SCHIP1: variants seen among roughly 807,000 people sequenced by gnomAD.
SCHIP1 encodes schwannomin interacting protein 1.
SCHIP1 carries 8 observed loss-of-function variants against 29.7 expected under a neutral mutation model. The ratio of observed to expected loss-of-function variants is 0.27; its 90% CI spans 0.16 to 0.49. SCHIP1 has a LOEUF of 0.49. Ranked by LOEUF, SCHIP1 falls within the 20% of genes least tolerant of loss-of-function variation. The pLI is 0.99. For missense variants in SCHIP1, 193 were observed against 294.6 expected (o/e 0.66, Z 2.52); for synonymous variants, 76 against 94.9 (o/e 0.80, Z 1.16).
the SCHIP1 span, among the ~76,000 whole-genome samples, chr3:159,808,998 T>TC: frequency 6.6e-6 from 1 of 151,058 alleles, no homozygotes. Flanking sequence ...TTTTTTTTTT[T>TC]TATTATACTT....
the SCHIP1 span, among the ~76,000 whole-genome samples, chr3:159,792,157 T>G: frequency 6.6e-6 from 1 of 152,210 alleles, no homozygotes; most frequent in Non-Finnish European, 1.5e-5. Flanking sequence ...ATAATGGAGT[T>G]GGTACTGATA....
the SCHIP1 span, among the ~76,000 whole-genome samples, chr3:159,653,586 G>C: frequency 6.6e-6 from 1 of 151,388 alleles, no homozygotes; most frequent in Non-Finnish European, 1.5e-5. Context: ...GGGGCCTGTT[G>C]GGGGGTGGGG....
At chr3:159,332,463 G>T in the SCHIP1 span, among the ~76,000 whole-genome samples, 1 of 152,118 alleles carries the variant, frequency 6.6e-6, no homozygotes, top group Non-Finnish European at 1.5e-5. Flanking sequence ...TAATGCTCTA[G>T]ATACTTCTTC....
the SCHIP1 span, among the ~76,000 whole-genome samples, chr3:159,700,578 G>A: frequency 6.6e-6 from 1 of 152,160 alleles, no homozygotes; most frequent in Admixed American, 6.6e-5. Context: ...CCAGCACTTT[G>A]GGAGGCCGAG....
chr3:159,652,286 T>C, the SCHIP1 span, among the ~76,000 whole-genome samples: 12 of 152,224 alleles, frequency 7.9e-5, no homozygotes, highest in Admixed American at 7.2e-4. Flanking sequence ...AGGCATTTTT[T>C]GCTACACTTA....
chr3:159,696,559 A>G, the SCHIP1 span, among the ~76,000 whole-genome samples: 1 of 152,214 alleles, frequency 6.6e-6, no homozygotes. Flanking sequence ...AGTCAGTTTC[A>G]TTTATTCATT....
the SCHIP1 span, among the ~76,000 whole-genome samples, chr3:159,659,909 G>A: frequency 6.6e-6 from 1 of 152,160 alleles, no homozygotes; most frequent in Non-Finnish European, 1.5e-5. Context: ...TGGAAAGACA[G>A]GCAGATCTAT....
the SCHIP1 span, among the ~76,000 whole-genome samples, chr3:159,325,519 G>C: frequency 6.6e-6 from 1 of 152,046 alleles, no homozygotes; most frequent in Non-Finnish European, 1.5e-5. Context: ...ATGAAAGCTG[G>C]AATTGCTTTG....
At chr3:159,689,816 G>T in the SCHIP1 span, among the ~76,000 whole-genome samples, 1 of 152,196 alleles carries the variant, frequency 6.6e-6, no homozygotes, top group African/African-American at 2.4e-5. Flanking sequence ...AAGGGGTGTT[G>T]AATTTTACTG....
chr3:159,791,700 G>C, the SCHIP1 span, among the ~76,000 whole-genome samples: 1 of 152,190 alleles, frequency 6.6e-6, no homozygotes, highest in Non-Finnish European at 1.5e-5. Flanking sequence ...GCAGAAGCCC[G>C]TGGCTTCCTT....
chr3:159,358,920 CTTTT>C, the SCHIP1 span, among the ~76,000 whole-genome samples: 33 of 96,558 alleles, frequency 3.4e-4, no homozygotes, highest in African/African-American at 1.4e-3. Flanking sequence ...TATTAGCATC[CTTTT>C]TTTTTTTTTT....
the SCHIP1 span, among the ~76,000 whole-genome samples, chr3:159,575,538 C>T: frequency 2.5e-3 from 383 of 152,206 alleles, no homozygotes; most frequent in Non-Finnish European, 3.9e-3. Context: ...CAGGCTCAAG[C>T]GATCCTCCTA....
At chr3:159,604,451 C>T in the SCHIP1 span, among the ~76,000 whole-genome samples, 2 of 152,278 alleles carry the variant, frequency 1.3e-5, no homozygotes, top group Admixed American at 1.3e-4. Context: ...ATACGGGTGA[C>T]CACAGTGAGA....
chr3:159,620,792 A>G, the SCHIP1 span, among the ~76,000 whole-genome samples: 1 of 152,126 alleles, frequency 6.6e-6, no homozygotes, highest in Non-Finnish European at 1.5e-5. Flanking sequence ...TGTCAGAAAA[A>G]CTAACAGAAC....
At chr3:159,643,754 A>C in the SCHIP1 span, among the ~76,000 whole-genome samples, 1 of 152,058 alleles carries the variant, frequency 6.6e-6, no homozygotes, top group Non-Finnish European at 1.5e-5. Flanking sequence ...CCTATGATCC[A>C]CCTCAATAAT....
the SCHIP1 span, among the ~76,000 whole-genome samples, chr3:159,700,318 T>G: frequency 6.6e-6 from 1 of 152,138 alleles, no homozygotes; most frequent in African/African-American, 2.4e-5. Flanking sequence ...CAAAAATAAA[T>G]TACCCAGTTT....
At chr3:159,520,611 T>A in the SCHIP1 span, among the ~76,000 whole-genome samples, 1 of 152,234 alleles carries the variant, frequency 6.6e-6, no homozygotes. Flanking sequence ...TGTCTTCTAG[T>A]GTGCATTCCA....
the SCHIP1 span, among the ~76,000 whole-genome samples, chr3:159,733,098 C>T: frequency 6.6e-6 from 1 of 151,758 alleles, no homozygotes; most frequent in Non-Finnish European, 1.5e-5. Context: ...TTTCTAAGCT[C>T]AGATTTTCTG....
the SCHIP1 span, among the ~76,000 whole-genome samples, chr3:159,628,204 C>A: frequency 6.6e-6 from 1 of 152,080 alleles, no homozygotes; most frequent in Non-Finnish European, 1.5e-5. Flanking sequence ...CAGGGACTTA[C>A]ACTAGAGACC....
Sources: gnomAD v4.1 joint callset for allele counts (sites outside exome capture counted in the v4.1 genomes callset) on GRCh38, gnomAD v4.1.1 for gene constraint, MANE v1.5 for transcripts, NCBI Gene and HGNC (gene_info 2026-07-23, HGNC 2026-07-21) for gene names.